NELL2: variants seen among roughly 807,000 people sequenced by gnomAD.
The protein encoded by NELL2 is neural EGFL like 2.
In NELL2, 41 loss-of-function variants were observed where a neutral mutation model predicts 109.6. The observed-to-expected ratio is 0.37, with a 90% confidence interval of 0.29 to 0.49. NELL2 has a LOEUF of 0.49. Ranked by LOEUF, NELL2 falls within the 20% of genes least tolerant of loss-of-function variation. The pLI, the probability that NELL2 is intolerant of heterozygous loss-of-function variation, is 0.98. For synonymous variants in NELL2, 355 were observed against 344.7 expected (o/e 1.03, Z -0.33); for missense variants, 900 against 1,008.3 (o/e 0.89, Z 1.45).
At chr12:44,735,129 C>T (rs1017700914) in intron 9 of NELL2, among the ~76,000 whole-genome samples, 1 of 152,090 alleles carries the variant, frequency 6.6e-6, no homozygotes, top group Admixed American at 6.6e-5. Context: ...GATCTCATGT[C>T]TTCCTGTTCC....
At chr12:44,665,380 G>A (rs1947887180) in intron 13 of NELL2, 104 bp downstream of exon 13, 2 of 935,088 alleles carry the variant, frequency 2.1e-6, no homozygotes, top group South Asian at 2.5e-5. Context: ...CTAATGTTTT[G>A]TTGTATTTAT....
rs147066214 is a variant in NELL2, at chr12:44,559,758, T to C, written c.1664-27037A>G. On this transcript the variant is annotated intron_variant, in intron 15 of 19. Transcript: ENST00000429094. Reference sequence around the variant, plus strand: ...GACTTTAACACCTCACCATCAATATTAGACAGATCAATGAGACAGAAAATT... The same window carrying C: ...GACTTTAACACCTCACCATCAATATCAGACAGATCAATGAGACAGAAAATT... Among the ~76,000 whole-genome samples the C allele has an allele frequency of 1.1e-3, 175 of 152,248 alleles. 1 individual carries two copies. Among genetic ancestry groups the C allele is most frequent in the African/African-American group, 4.0e-3 (165 of 41,544 alleles).
At chr12:44,860,728 T>A (rs1021730908) in intron 2 of NELL2, among the ~76,000 whole-genome samples, 7 of 152,310 alleles carry the variant, frequency 4.6e-5, no homozygotes, top group Non-Finnish European at 8.8e-5. Context: ...GTCAGTCGAT[T>A]AACAACCTTA....
intron 3 of NELL2, among the ~76,000 whole-genome samples, chr12:44,803,487 A>T (rs1459958461): frequency 2.6e-5 from 4 of 152,048 alleles, no homozygotes; most frequent in Admixed American, 1.3e-4. Flanking sequence ...GAGGAATAAG[A>T]GATGGAGGGT....
chr12:44,651,481 A>G (rs757657404), intron 13 of NELL2, among the ~76,000 whole-genome samples: 3 of 152,186 alleles, frequency 2.0e-5, no homozygotes, highest in Non-Finnish European at 4.4e-5. Flanking sequence ...ACTACACTAT[A>G]ATGATATATA....
At chr12:44,696,003 T>C (rs2136405286) in intron 12 of NELL2, among the ~76,000 whole-genome samples, 1 of 152,052 alleles carries the variant, frequency 6.6e-6, no homozygotes, top group Middle Eastern at 3.4e-3. Context: ...CAGAAACCCA[T>C]GATAAGTGAA....
intron 9 of NELL2, among the ~76,000 whole-genome samples, chr12:44,743,771 C>A (rs1940152873): frequency 6.6e-6 from 1 of 152,116 alleles, no homozygotes; most frequent in Non-Finnish European, 1.5e-5. Flanking sequence ...ATATATGCAC[C>A]CAATACAGGA....
At chr12:44,686,185 C>T (rs977133311) in intron 12 of NELL2, among the ~76,000 whole-genome samples, 1 of 152,142 alleles carries the variant, frequency 6.6e-6, no homozygotes, top group African/African-American at 2.4e-5. Context: ...TCGCTGATAC[C>T]CTTTCTTCCA....
chr12:44,691,759 T>C (rs1380434991), intron 12 of NELL2, among the ~76,000 whole-genome samples: 1 of 152,154 alleles, frequency 6.6e-6, no homozygotes, highest in Non-Finnish European at 1.5e-5. Context: ...GGATGGAAGA[T>C]AAAATCAACC....
chr12:44,556,676 G>T (rs1234856105), intron 15 of NELL2, among the ~76,000 whole-genome samples: 3 of 152,186 alleles, frequency 2.0e-5, no homozygotes, highest in Non-Finnish European at 4.4e-5. Context: ...AGCTAGTTCA[G>T]GGGTATAAAC....
intron 13 of NELL2, among the ~76,000 whole-genome samples, chr12:44,659,319 T>C (rs556687692): frequency 1.3e-5 from 2 of 152,256 alleles, no homozygotes; most frequent in Non-Finnish European, 2.9e-5. Flanking sequence ...CCAAAAGCAA[T>C]GGTAACAAAA....
chr12:44,599,150 A>C (rs1347759345), intron 15 of NELL2, among the ~76,000 whole-genome samples: 1 of 152,214 alleles, frequency 6.6e-6, no homozygotes, highest in Non-Finnish European at 1.5e-5. Context: ...AAAAGATCTC[A>C]GACTTCACAG....
At chr12:44,515,160 T>A (rs540206477) in intron 19 of NELL2, among the ~76,000 whole-genome samples, 14 of 151,708 alleles carry the variant, frequency 9.2e-5, no homozygotes, top group Non-Finnish European at 2.1e-4. Context: ...TTACATTAAA[T>A]GTAAATAAAC....
chr12:44,541,259 A>G (rs1161784477), intron 15 of NELL2, among the ~76,000 whole-genome samples: 4 of 150,262 alleles, frequency 2.7e-5, no homozygotes, highest in African/African-American at 9.7e-5. Context: ...TCAAAAAAAA[A>G]AAAAAAAGAA....
At chr12:44,905,532 G>T (rs1308469314) in intron 1 of NELL2, among the ~76,000 whole-genome samples, 4 of 151,980 alleles carry the variant, frequency 2.6e-5, no homozygotes, top group Admixed American at 2.6e-4. Flanking sequence ...AGATCACAAT[G>T]ATCCAGCAAA....
At chr12:44,561,788 T>C (rs1943475606) in intron 15 of NELL2, among the ~76,000 whole-genome samples, 1 of 152,140 alleles carries the variant, frequency 6.6e-6, no homozygotes, top group African/African-American at 2.4e-5. Flanking sequence ...GAAGCTGCCA[T>C]TGACTTTTTT....
intron 13 of NELL2, among the ~76,000 whole-genome samples, chr12:44,624,060 A>G (rs1946151583): frequency 1.3e-5 from 2 of 152,044 alleles, no homozygotes; most frequent in Admixed American, 1.3e-4. Flanking sequence ...AGTGCAGCAA[A>G]CCACCATGGC....
intron 12 of NELL2, among the ~76,000 whole-genome samples, chr12:44,672,250 G>A (rs768336058): frequency 6.6e-6 from 1 of 152,172 alleles, no homozygotes; most frequent in Non-Finnish European, 1.5e-5. Flanking sequence ...GAAGTGGGCC[G>A]CACAGCAGGA....
intron 14 of NELL2, among the ~76,000 whole-genome samples, chr12:44,608,044 C>T (rs1336874659): frequency 1.3e-5 from 2 of 152,044 alleles, no homozygotes; most frequent in African/African-American, 4.8e-5. Context: ...GTGAGTACAA[C>T]AAGAGAAGAA....
Sources: gnomAD v4.1 joint callset for allele counts (sites outside exome capture counted in the v4.1 genomes callset) on GRCh38, gnomAD v4.1.1 for gene constraint, MANE v1.5 for transcripts, NCBI Gene and HGNC (gene_info 2026-07-23, HGNC 2026-07-21) for gene names.